Variants in SKAP1 observed in about 807,000 individuals in gnomAD.
The protein encoded by SKAP1 is src kinase associated phosphoprotein 1, also known as src kinase-associated phosphoprotein 1.
In SKAP1, 44 loss-of-function variants were observed where a neutral mutation model predicts 58.5. That is an observed-to-expected ratio of 0.75 (90% CI 0.59 to 0.97). SKAP1 has a LOEUF of 0.97. SKAP1 is among the 50% of genes least tolerant of loss of function. The pLI is 0.00. For missense variants in SKAP1, 390 were observed against 435.2 expected, an observed-to-expected ratio of 0.90 and a Z score of 0.92; for synonymous variants, 127 against 149.7, an observed-to-expected ratio of 0.85 and a Z score of 1.11.
At chr17:48,256,399 G>C (rs2065424304) in intron 4 of SKAP1, among the ~76,000 whole-genome samples, 1 of 151,970 alleles carries the variant, frequency 6.6e-6, no homozygotes. Flanking sequence ...AGGTGAAAGT[G>C]GTTAGCCAAA....
intron 2 of SKAP1, among the ~76,000 whole-genome samples, chr17:48,373,743 C>T (rs1224104153): frequency 6.6e-6 from 1 of 152,098 alleles, no homozygotes; most frequent in Non-Finnish European, 1.5e-5. Flanking sequence ...TCATTAGTGT[C>T]AATAACTCAC....
chr17:48,144,388 T>C (rs896999132), intron 11 of SKAP1, among the ~76,000 whole-genome samples: 18 of 152,186 alleles, frequency 1.2e-4, no homozygotes, highest in African/African-American at 4.3e-4. Flanking sequence ...ATTTCTACTT[T>C]GATGAATTGC....
At chr17:48,152,924 C>T (rs1298028431) in intron 11 of SKAP1, among the ~76,000 whole-genome samples, 10 of 152,084 alleles carry the variant, frequency 6.6e-5, no homozygotes, top group South Asian at 4.1e-4. Context: ...TAACCTAACC[C>T]GGCCGTGGCT....
intron 12 of SKAP1, among the ~76,000 whole-genome samples, chr17:48,135,377 A>T (rs1013422163): frequency 5.3e-5 from 8 of 151,894 alleles, no homozygotes; most frequent in African/African-American, 1.9e-4. Context: ...ACCAAAACCC[A>T]CTCTGCACCA....
At chr17:48,419,915 G>A (rs575654513) in intron 1 of SKAP1, among the ~76,000 whole-genome samples, 1 of 152,296 alleles carries the variant, frequency 6.6e-6, no homozygotes, top group East Asian at 1.9e-4. Context: ...CAGCCTTGAG[G>A]AAGACTTGCT....
At chr17:48,224,057 A>G (rs2065037763) in intron 4 of SKAP1, among the ~76,000 whole-genome samples, 2 of 44,416 alleles carry the variant, frequency 4.5e-5, no homozygotes, top group Admixed American at 2.9e-4. Context: ...GAGGAGGAGG[A>G]GGAGGAGGAG....
chr17:48,336,021 TAA>T (rs2066563841), intron 4 of SKAP1, among the ~76,000 whole-genome samples: 1 of 152,140 alleles, frequency 6.6e-6, no homozygotes, highest in African/African-American at 2.4e-5. Context: ...TCCTCTTCAC[TAA>T]AGCAAAACAA....
intron 1 of SKAP1, among the ~76,000 whole-genome samples, chr17:48,412,324 C>T (rs949677162): frequency 6.6e-5 from 10 of 152,154 alleles, no homozygotes; most frequent in Admixed American, 3.9e-4. Context: ...GAATTGCTGC[C>T]ATTTTCATCA....
At position 48,273,715 on chromosome 17, in the gene SKAP1, G is replaced by A. The variant is rs377507082; in HGVS notation, c.280+72190C>T. Among the ~76,000 whole-genome samples the A allele has an allele frequency of 1.4e-4, 22 of 152,160 alleles. No individual in the cohort carries two copies. In the East Asian group the frequency reaches 1.5e-3, roughly 11 times the overall value. ...ATTACAGGGCTAAGCCACCGTGCCC[G>A]GCTCTTTTATCATTCTTTAGCTCCA... On this transcript the variant is annotated intron_variant, in intron 4 of 12. Coordinates refer to ENST00000336915, the MANE Select transcript of SKAP1 (RefSeq NM_003726.4).
chr17:48,371,124 AAT>A (rs1330127305), intron 2 of SKAP1, among the ~76,000 whole-genome samples: 4 of 152,168 alleles, frequency 2.6e-5, no homozygotes, highest in Non-Finnish European at 5.9e-5. Context: ...ACTAGGGACT[AAT>A]AGAGATGGGG....
intron 3 of SKAP1, among the ~76,000 whole-genome samples, chr17:48,354,578 C>T (rs1221537050): frequency 6.6e-6 from 1 of 152,186 alleles, no homozygotes; most frequent in African/African-American, 2.4e-5. Context: ...TCTTCCACTA[C>T]TTGCCTCACA....
Position 48,396,732 on chromosome 17 carries a change from C to T in SKAP1, c.100G>A (p.Ala34Thr), listed in dbSNP as rs1229847951. 6.2e-7 allele frequency: 1 copy of T among 1,613,544 alleles called. No individual in the cohort carries two copies. The highest frequency in any genetic ancestry group is 8.5e-7 in the Non-Finnish European group (1 of 1,179,776). ...GLRNENLSAV[A>T]RDHRDHILRG... is the part of the protein sequence containing the mutation. ...AGAATATGGTCTCTGTGATCCCTTGCAACAGCGCTGAGGTTCTCATTCCGC... is the reference window on the plus strand; with the variant it reads ...AGAATATGGTCTCTGTGATCCCTTGTAACAGCGCTGAGGTTCTCATTCCGC... Residue 34 changes from alanine to threonine, a missense_variant, in exon 2 of 13, where the codon GCA (alanine) becomes ACA (threonine). Ala to Thr is a moderately conservative substitution (Grantham distance 58). Transcript: ENST00000336915.
chr17:48,301,379 A>G (rs1294357305), intron 4 of SKAP1, among the ~76,000 whole-genome samples: 1 of 152,148 alleles, frequency 6.6e-6, no homozygotes, highest in Non-Finnish European at 1.5e-5. Flanking sequence ...CCAATTACCT[A>G]TCTTTATATT....
chr17:48,239,850 C>CAGAGAGAGAG (rs71141976), intron 4 of SKAP1, among the ~76,000 whole-genome samples: 94 of 129,846 alleles, frequency 7.2e-4, no homozygotes, highest in Middle Eastern at 4.3e-3. Context: ...GAGAGAGAGA[C>CAGAGAGAGAG]AGAGAGAGAG....
At chr17:48,414,601 T>C (rs1598676992) in intron 1 of SKAP1, among the ~76,000 whole-genome samples, 1 of 152,340 alleles carries the variant, frequency 6.6e-6, no homozygotes, top group African/African-American at 2.4e-5. Flanking sequence ...TTATAATTCA[T>C]AGCTGCCCTA....
At chr17:48,357,378 C>T (rs1282715533) in intron 3 of SKAP1, among the ~76,000 whole-genome samples, 1 of 152,148 alleles carries the variant, frequency 6.6e-6, no homozygotes, top group Non-Finnish European at 1.5e-5. Flanking sequence ...CGCCTATAAT[C>T]CCAGCACTTT....
At chr17:48,358,737 C>T (rs766923791) in intron 3 of SKAP1, among the ~76,000 whole-genome samples, 1 of 152,102 alleles carries the variant, frequency 6.6e-6, no homozygotes, top group Non-Finnish European at 1.5e-5. Flanking sequence ...ATATTTGTTA[C>T]CACTTTAGTA....
rs117896849 is a variant in SKAP1 at position 48,328,869 on chromosome 17, T to A, written c.280+17036A>T. ...GCCCACCAAACTTCCATTCCATCTG[T>A]TTTTAAAGAAATTTCTGAAATACTA... On this transcript the variant is annotated intron_variant, in intron 4 of 12. Transcript: ENST00000336915. Among the ~76,000 whole-genome samples the A allele has an allele frequency of 4.3e-3, 648 of 152,302 alleles. 5 individuals are homozygous for A. The highest frequency in any genetic ancestry group is 5.4e-3 in the Non-Finnish European group (368 of 68,018).
At chr17:48,355,032 G>A (rs1467750596) in intron 3 of SKAP1, among the ~76,000 whole-genome samples, 1 of 152,106 alleles carries the variant, frequency 6.6e-6, no homozygotes, top group Non-Finnish European at 1.5e-5. Context: ...TGTTAGTCCA[G>A]GAATAATACC....
Sources: gnomAD v4.1 joint callset for allele counts (sites outside exome capture counted in the v4.1 genomes callset) on GRCh38, gnomAD v4.1.1 for gene constraint, MANE v1.5 for transcripts, NCBI Gene and HGNC (gene_info 2026-07-23, HGNC 2026-07-21) for gene names.